AGBL3: variants seen among roughly 807,000 people sequenced by gnomAD.
AGBL3 encodes cytosolic carboxypeptidase 3.
Under a neutral mutation model 94.5 loss-of-function variants are expected in AGBL3, and 68 were observed. The ratio of observed to expected loss-of-function variants is 0.72; its 90% CI spans 0.59 to 0.88. The LOEUF (loss-of-function observed/expected upper bound fraction) is 0.88, where lower values mean the gene tolerates loss of function less well. Ranked by LOEUF, AGBL3 falls within the 40% of genes least tolerant of loss-of-function variation. The pLI is 0.00. For synonymous variants in AGBL3, 354 were observed against 370.7 expected, an observed-to-expected ratio of 0.95 and a Z score of 0.52; for missense variants, 934 against 1,103.8, an observed-to-expected ratio of 0.85 and a Z score of 2.18.
chr7:135,104,632 G>A (rs530422592), intron 15 of AGBL3, among the ~76,000 whole-genome samples: 1 of 152,274 alleles, frequency 6.6e-6, no homozygotes, highest in African/African-American at 2.4e-5. Flanking sequence ...TGACTGCTGT[G>A]AGATGGTATC....
At chr7:135,095,851 T>A (rs1241745325) in intron 15 of AGBL3, among the ~76,000 whole-genome samples, 1 of 152,046 alleles carries the variant, frequency 6.6e-6, no homozygotes, top group African/African-American at 2.4e-5. Flanking sequence ...CAATCTGGAG[T>A]GCTAACAATT....
At chr7:135,043,918 T>G in intron 8 of AGBL3, 107 bp from the exon 9 acceptor site, 1 of 1,359,662 alleles carries the variant, frequency 7.4e-7, no homozygotes, top group Non-Finnish European at 9.6e-7. Flanking sequence ...GAAGCTTTAG[T>G]GAGAATTATA....
intron 15 of AGBL3, among the ~76,000 whole-genome samples, chr7:135,084,839 C>T (rs1304118245): frequency 6.6e-6 from 1 of 151,974 alleles, no homozygotes; most frequent in Non-Finnish European, 1.5e-5. Flanking sequence ...TACTGATTTC[C>T]TTCCTTTTGG....
chr7:135,042,929 G>T (rs1157125905), intron 8 of AGBL3, among the ~76,000 whole-genome samples: 1 of 151,916 alleles, frequency 6.6e-6, no homozygotes, highest in African/African-American at 2.4e-5. Flanking sequence ...AAAACAAAAA[G>T]ATGCATAGAA....
chr7:135,084,430 G>A (rs1420992906), intron 15 of AGBL3, among the ~76,000 whole-genome samples: 2 of 152,004 alleles, frequency 1.3e-5, no homozygotes, highest in Non-Finnish European at 2.9e-5. Flanking sequence ...TGGAACACTA[G>A]TCCCTATTCC....
intron 4 of AGBL3, among the ~76,000 whole-genome samples, chr7:135,001,324 TCCATTTTAACCACACGTGCATATAG>T (rs1744935620): frequency 6.6e-6 from 1 of 152,062 alleles, no homozygotes. Context: ...CCACCCCCTT[TCCATTTTAACCACACGTGCATATAG>T]CCCATGTCCC....
chr7:135,135,362 T>A lies in AGBL3; in HGVS notation c.*101T>A, dbSNP rs1011188747. On this transcript the variant is annotated 3_prime_UTR_variant, in exon 17 of 17. Coordinates refer to ENST00000436302, the MANE Select transcript of AGBL3 (RefSeq NM_178563.4). Reference sequence around the variant, plus strand: ...GCCCTCCCCTTCCCCTTTCCCTATCTCTCCCCTTACACATGCATATGCATA... The same window carrying A: ...GCCCTCCCCTTCCCCTTTCCCTATCACTCCCCTTACACATGCATATGCATA... 1 of 1,123,470 alleles carries A rather than the reference T, an allele frequency of 8.9e-7. No individual in the cohort carries two copies. The highest frequency in any genetic ancestry group is 1.2e-6 in the Non-Finnish European group (1 of 835,992). The allele number at this position is 1,123,470 out of a possible 1,614,324, so 69.6% of individuals were successfully genotyped here. A position where few individuals can be genotyped will look rare whatever the true frequency, so the allele number is the denominator to read the frequency against.
At chr7:135,060,306 T>C (rs1319131660) in intron 12 of AGBL3, among the ~76,000 whole-genome samples, 1 of 152,196 alleles carries the variant, frequency 6.6e-6, no homozygotes, top group Non-Finnish European at 1.5e-5. Context: ...TTATTGTATA[T>C]GACACATTGT....
intron 13 of AGBL3, among the ~76,000 whole-genome samples, chr7:135,079,462 TTTTTGTTTTTG>T (rs1179984383): frequency 6.6e-6 from 1 of 151,968 alleles, no homozygotes; most frequent in Non-Finnish European, 1.5e-5. Flanking sequence ...TTGTGGGTTG[TTTTTGTTTTTG>T]TTTTGTTTTT....
At chr7:135,094,426 A>C (rs1822335884) in intron 15 of AGBL3, 1 of 456,598 alleles carries the variant, frequency 2.2e-6, no homozygotes, top group Non-Finnish European at 4.4e-6. Flanking sequence ...ACACTTAAAC[A>C]GTGATTTTAA....
intron 3 of AGBL3, 93 bp downstream of exon 3, chr7:134,989,403 T>G: frequency 2.4e-6 from 2 of 829,884 alleles, no homozygotes; most frequent in Non-Finnish European, 3.7e-6. Context: ...TTGAATAATA[T>G]AGGGAATGAT....
intron 15 of AGBL3, among the ~76,000 whole-genome samples, chr7:135,113,542 C>T (rs1405548163): frequency 2.0e-5 from 3 of 152,134 alleles, no homozygotes; most frequent in South Asian, 2.1e-4. Flanking sequence ...ATGCTGTCTA[C>T]GGACCAATTT....
intron 12 of AGBL3, among the ~76,000 whole-genome samples, chr7:135,061,382 T>G (rs1412850813): frequency 1.3e-5 from 2 of 152,168 alleles, no homozygotes; most frequent in Non-Finnish European, 2.9e-5. Context: ...AAAGGCTTTT[T>G]AGTTTGATGT....
intron 5 of AGBL3, among the ~76,000 whole-genome samples, chr7:135,027,619 C>T (rs1815291508): frequency 6.6e-6 from 1 of 151,428 alleles, no homozygotes; most frequent in South Asian, 2.1e-4. Flanking sequence ...ATTTTTTCCA[C>T]CACTTTTTGA....
At chr7:135,129,734 A>C in intron 16 of AGBL3, 1 of 720,574 alleles carries the variant, frequency 1.4e-6, no homozygotes, top group Non-Finnish European at 2.6e-6. Flanking sequence ...GGTTTTCCCT[A>C]ATCTTTTGTC....
At chr7:135,041,608 T>TTAGAAGAAAACA (rs111315564) in intron 8 of AGBL3, among the ~76,000 whole-genome samples, 141,121 of 151,974 alleles carry the variant, frequency 0.93, 66,352 homozygotes, top group Non-Finnish European at 1. Context: ...TGTAAAACTT[T>TTAGAAGAAAACA]TAGAAGAAAA....
rs191574500 is a variant in AGBL3 at position 135,037,312 on chromosome 7, A to G, written c.1338-106A>G. On this transcript the variant is annotated intron_variant, in intron 7 of 16. Coordinates refer to ENST00000436302, the MANE Select transcript of AGBL3 (RefSeq NM_178563.4). Reference sequence around the variant, plus strand: ...AATATAGATAAGAGAAAGCTAGGATATAAGAAATTGTATTTATTTGGATAT... The same window carrying G: ...AATATAGATAAGAGAAAGCTAGGATGTAAGAAATTGTATTTATTTGGATAT... 1.9e-4 allele frequency: 175 copies of G among 920,008 alleles called. No homozygotes were observed. The African/African-American group carries it at 2.3e-3, about 12-fold the overall frequency. The allele number at this position is 920,008 out of a possible 1,614,324, so 57.0% of individuals were successfully genotyped here.
intron 12 of AGBL3, among the ~76,000 whole-genome samples, chr7:135,073,426 GTGC>G (rs1241102250): frequency 1.3e-5 from 2 of 151,970 alleles, no homozygotes; most frequent in African/African-American, 2.4e-5. Context: ...AGTTGAGACT[GTGC>G]CACTGCACTC....
At chr7:135,090,445 AG>A (rs1273720546) in intron 15 of AGBL3, among the ~76,000 whole-genome samples, 9 of 152,120 alleles carry the variant, frequency 5.9e-5, no homozygotes, top group Non-Finnish European at 1.3e-4. Flanking sequence ...CTTGGGACAC[AG>A]GGTACTACGT....
Sources: gnomAD v4.1 joint callset for allele counts (sites outside exome capture counted in the v4.1 genomes callset) on GRCh38, gnomAD v4.1.1 for gene constraint, MANE v1.5 for transcripts, NCBI Gene and HGNC (gene_info 2026-07-23, HGNC 2026-07-21) for gene names.